HNF4A: variants seen among roughly 807,000 people sequenced by gnomAD.
HNF4A encodes the protein hepatocyte nuclear factor 4-alpha.
HNF4A carries 15 observed loss-of-function variants against 52.4 expected under a neutral mutation model. The ratio of observed to expected loss-of-function variants is 0.29; its 90% CI spans 0.19 to 0.44. The LOEUF (loss-of-function observed/expected upper bound fraction) is 0.44, where lower values mean the gene tolerates loss of function less well. HNF4A is among the 20% of genes least tolerant of loss of function. The probability of loss-of-function intolerance (pLI) is 1.00; values close to 1 mark genes in which losing one functional copy is unlikely to be tolerated. For missense variants in HNF4A, 479 were observed against 647.2 expected, an observed-to-expected ratio of 0.74 and a Z score of 2.82; for synonymous variants, 280 against 264.4, an observed-to-expected ratio of 1.06 and a Z score of -0.57.
At chr20:44,366,799 A>G (rs1389560536) in intron 1 of HNF4A, among the ~76,000 whole-genome samples, 6 of 152,226 alleles carry the variant, frequency 3.9e-5, no homozygotes, top group Admixed American at 3.9e-4. Flanking sequence ...AAATTAAGGT[A>G]TATCTTCAAA....
At chr20:44,367,497 A>G (rs907959784) in intron 1 of HNF4A, among the ~76,000 whole-genome samples, 1 of 149,912 alleles carries the variant, frequency 6.7e-6, no homozygotes, top group Non-Finnish European at 1.5e-5. Flanking sequence ...TACAAAAATT[A>G]GCTGGGTGTG....
intron 1 of HNF4A, among the ~76,000 whole-genome samples, chr20:44,378,918 CAAAAAAAAAA>C (rs61103959): frequency 7.7e-6 from 1 of 129,202 alleles, no homozygotes; most frequent in African/African-American, 2.8e-5. Context: ...GACCCCGTCT[CAAAAAAAAAA>C]AAAAAAGAAA....
chr20:44,381,563 G>A (rs897108020), intron 1 of HNF4A, among the ~76,000 whole-genome samples: 2 of 151,990 alleles, frequency 1.3e-5, no homozygotes, highest in Non-Finnish European at 2.9e-5. Context: ...GATTACAGGC[G>A]TGAGCCACTT....
intron 1 of HNF4A, among the ~76,000 whole-genome samples, chr20:44,405,482 C>T (rs114312635): frequency 6.7e-4 from 102 of 152,250 alleles, no homozygotes; most frequent in African/African-American, 2.5e-3. Flanking sequence ...TCTACGGCCC[C>T]CCTCACATTT....
At chr20:44,402,584 A>G (rs542742235) in intron 1 of HNF4A, 3 of 1,365,800 alleles carry the variant, frequency 2.2e-6, no homozygotes, top group African/African-American at 1.5e-5. Context: ...CGCCAGATTG[A>G]GGCATCCCCT....
intron 1 of HNF4A, among the ~76,000 whole-genome samples, chr20:44,372,203 G>A (rs991270141): frequency 1.3e-5 from 2 of 152,180 alleles, no homozygotes; most frequent in African/African-American, 4.8e-5. Flanking sequence ...GTTTTTAAGT[G>A]ACTACAAGAA....
chr20:44,424,447 C>T (rs969882302), intron 8 of HNF4A, 193 bp downstream of exon 8: 7 of 1,080,892 alleles, frequency 6.5e-6, no homozygotes, highest in South Asian at 2.7e-5. Context: ...GTTCAGGCAC[C>T]GAGAACCTAG....
At chr20:44,412,810 C>G (rs766555922) in intron 3 of HNF4A, among the ~76,000 whole-genome samples, 4 of 152,022 alleles carry the variant, frequency 2.6e-5, no homozygotes, top group Non-Finnish European at 5.9e-5. Context: ...GTCCCTGAGA[C>G]GAGAAAGAGT....
intron 1 of HNF4A, among the ~76,000 whole-genome samples, chr20:44,384,827 C>T (rs1214490637): frequency 6.6e-6 from 1 of 152,104 alleles, no homozygotes; most frequent in African/African-American, 2.4e-5. Flanking sequence ...GAGAGATAGG[C>T]TGAGTCATGA....
At chr20:44,361,843 A>G (rs947942131) in intron 1 of HNF4A, among the ~76,000 whole-genome samples, 12 of 152,134 alleles carry the variant, frequency 7.9e-5, no homozygotes, top group African/African-American at 2.7e-4. Flanking sequence ...ATACAGAGGG[A>G]CTTAGGAGAA....
At position 44,429,672 on chromosome 20, in the gene HNF4A, G is replaced by A. The variant is rs186057842; in HGVS notation, c.*7G>A. ...CAAGCAGGAAGTTATCTAGCAAGCC[G>A]CTGGGGCTTGGGGGCTCCACTGGCT... On this transcript the variant is annotated 3_prime_UTR_variant, in exon 10 of 10. Transcript: ENST00000316099. 510 of 1,613,944 alleles carry A rather than the reference G, an allele frequency of 3.2e-4. 2 individuals are homozygous for A. Among genetic ancestry groups the A allele is most frequent in the East Asian group, 2.4e-3 (106 of 44,820 alleles).
At chr20:44,358,242 G>A (rs1431580215) in intron 1 of HNF4A, among the ~76,000 whole-genome samples, 2 of 132,882 alleles carry the variant, frequency 1.5e-5, no homozygotes, top group East Asian at 2.5e-4. Flanking sequence ...CTGCTGGAAG[G>A]CTCCAGAAAA....
intron 1 of HNF4A, among the ~76,000 whole-genome samples, chr20:44,382,776 C>T (rs1216543799): frequency 6.6e-6 from 1 of 151,348 alleles, no homozygotes; most frequent in African/African-American, 2.4e-5. Flanking sequence ...TCACTTTCTG[C>T]TAAGGTAGCT....
At chr20:44,414,709 C>T (rs777486732) in intron 5 of HNF4A, 47 bp downstream of exon 5, 16 of 1,558,762 alleles carry the variant, frequency 1.0e-5, no homozygotes, top group Admixed American at 3.8e-5. Context: ...GTGGGCGGGG[C>T]AGCCAGGGGG....
intron 3 of HNF4A, among the ~76,000 whole-genome samples, chr20:44,411,708 A>C (rs1008658235): frequency 2.0e-5 from 3 of 152,208 alleles, no homozygotes; most frequent in African/African-American, 4.8e-5. Context: ...GTCAACATCA[A>C]GAGAAAGTTG....
chr20:44,355,720 G>A lies in HNF4A; in HGVS notation c.-85G>A. The A allele has an allele frequency of 1.7e-5, 21 of 1,240,694 alleles. 1 individual carries two copies. In the South Asian group the frequency reaches 2.5e-4, roughly 15 times the overall value. The allele number at this position is 1,240,694 out of a possible 1,614,324, so 76.9% of individuals were successfully genotyped here. A position where few individuals can be genotyped will look rare whatever the true frequency, so the allele number is the denominator to read the frequency against. On this transcript the variant is annotated 5_prime_UTR_variant, in exon 1 of 10. Transcript: ENST00000316673. Reference sequence around the variant, plus strand: ...GGCCGCACTCACCGCCTTCCTGGTGGACGGGCTCCTGGTGGCTGTGCTGCT... The same window carrying A: ...GGCCGCACTCACCGCCTTCCTGGTGAACGGGCTCCTGGTGGCTGTGCTGCT...
chr20:44,429,703 C>G lies in HNF4A; in HGVS notation c.*38C>G. On this transcript the variant is annotated 3_prime_UTR_variant, in exon 10 of 10. Transcript: ENST00000316099. ...GCTTGGGGGCTCCACTGGCTCCCCC[C>G]AGCCCCCTAAGAGAGCACCTGGTGA... The G allele has an allele frequency of 6.2e-7, 1 of 1,607,306 alleles. No homozygotes were observed. The highest frequency in any genetic ancestry group is 1.7e-4 in the Middle Eastern group (1 of 6,038).
intron 8 of HNF4A, among the ~76,000 whole-genome samples, chr20:44,426,231 A>G (rs6031596): frequency 0.41 from 62,429 of 151,862 alleles, 14,469 homozygotes; most frequent in Middle Eastern, 0.57. Flanking sequence ...GAAGCGGGGA[A>G]GAAAGGAGAG....
At chr20:44,370,209 A>G (rs1369435876) in intron 1 of HNF4A, among the ~76,000 whole-genome samples, 2 of 152,042 alleles carry the variant, frequency 1.3e-5, no homozygotes, top group African/African-American at 4.8e-5. Context: ...TTGTATTTTT[A>G]GTAGAGACGG....
Sources: allele counts gnomAD v4.1 joint callset (sites outside exome capture counted in the v4.1 genomes callset), GRCh38; gene constraint gnomAD v4.1.1; transcripts MANE v1.5; gene names NCBI Gene and HGNC (gene_info 2026-07-23, HGNC 2026-07-21).